Variants in NAV3 observed in about 807,000 individuals in gnomAD.
The protein encoded by NAV3 is pore membrane and/or filament interacting like protein 1.
In NAV3, 87 loss-of-function variants were observed where a neutral mutation model predicts 244.7. That is an observed-to-expected ratio of 0.36 (90% CI 0.30 to 0.42). The LOEUF (loss-of-function observed/expected upper bound fraction) is 0.42. NAV3 is among the 20% of genes least tolerant of loss of function. The pLI is 1.00. For missense variants in NAV3, 2,663 were observed against 2,893.3 expected (o/e 0.92, Z 1.83); for synonymous variants, 1,126 against 1,042.2 (o/e 1.08, Z -1.55).
rs1387076715 is a variant in NAV3, at chr12:78,199,508, A to G, written c.6692A>G (p.His2231Arg). 6.3e-7 allele frequency: 1 copy of G among 1,599,832 alleles called. No homozygotes were observed. Among genetic ancestry groups the G allele is most frequent in the Non-Finnish European group, 8.5e-7 (1 of 1,174,844 alleles). ...CATCTCAACAGTTTTTTGGAAACACACAGTTCTTCTGACGTTACCATTGGT... is the reference window on the plus strand; with the variant it reads ...CATCTCAACAGTTTTTTGGAAACACGCAGTTCTTCTGACGTTACCATTGGT... ...WHHLNSFLET[H>R]SSSDVTIGPR... The change falls in exon 37 of 40, where the codon CAC (histidine) becomes CGC (arginine). Residue 2231 changes from histidine (H) to arginine (R), a missense_variant. Transcript: ENST00000397909.
intron 12 of NAV3, among the ~76,000 whole-genome samples, chr12:78,075,371 G>A (rs1328190096): frequency 6.6e-6 from 1 of 151,928 alleles, no homozygotes; most frequent in Non-Finnish European, 1.5e-5. Flanking sequence ...TACAAGAATA[G>A]TTCTCTTTAG....
intron 9 of NAV3, among the ~76,000 whole-genome samples, chr12:78,027,990 G>A (rs977929092): frequency 6.6e-6 from 1 of 151,910 alleles, no homozygotes; most frequent in Non-Finnish European, 1.5e-5. Flanking sequence ...TTATAGCACA[G>A]AAAGTCAAGC....
intron 2 of NAV3, among the ~76,000 whole-genome samples, chr12:77,619,844 G>A (rs538224800): frequency 4.7e-4 from 72 of 151,868 alleles, no homozygotes; most frequent in African/African-American, 1.5e-3. Flanking sequence ...TAGGGAGAGG[G>A]AAATTGCACG....
intron 13 of NAV3, among the ~76,000 whole-genome samples, chr12:78,117,310 AT>A (rs1489087408): frequency 1.4e-5 from 2 of 144,940 alleles, no homozygotes; most frequent in Middle Eastern, 3.4e-3. Context: ...ATAAATATCT[AT>A]TTATATAATA....
At chr12:78,012,367 C>A (rs1214967614) in intron 8 of NAV3, among the ~76,000 whole-genome samples, 1 of 151,954 alleles carries the variant, frequency 6.6e-6, no homozygotes, top group African/African-American at 2.4e-5. Context: ...GGCATTTTGA[C>A]CTTCTAAAAG....
intron 2 of NAV3, among the ~76,000 whole-genome samples, chr12:77,793,350 G>A (rs1416939152): frequency 6.6e-6 from 1 of 152,068 alleles, no homozygotes; most frequent in Non-Finnish European, 1.5e-5. Flanking sequence ...TGCAGAACTT[G>A]CAGGTTTGTT....
intron 18 of NAV3, among the ~76,000 whole-genome samples, chr12:78,134,048 C>T (rs1179528238): frequency 6.6e-6 from 1 of 152,180 alleles, no homozygotes. Context: ...CATGCAGGAA[C>T]ATTAATGTCA....
chr12:77,768,094 C>T (rs1949593), intron 2 of NAV3, among the ~76,000 whole-genome samples: 69,848 of 152,056 alleles, frequency 0.46, 16,174 homozygotes, highest in Middle Eastern at 0.51. Context: ...CCAGTAGAAC[C>T]TATCCACAGG....
chr12:77,986,406 A>T (rs1870515473), intron 5 of NAV3, among the ~76,000 whole-genome samples: 1 of 152,204 alleles, frequency 6.6e-6, no homozygotes, highest in Non-Finnish European at 1.5e-5. Flanking sequence ...AAAATTAAAA[A>T]TATTTATAAT....
chr12:77,631,461 A>T (rs1871894038), intron 2 of NAV3, among the ~76,000 whole-genome samples: 1 of 147,342 alleles, frequency 6.8e-6, no homozygotes, highest in South Asian at 2.1e-4. Context: ...GCATTATGTT[A>T]ATCTTTTGGA....
chr12:78,162,509 A>G lies in NAV3; in HGVS notation c.4869+3223A>G, dbSNP rs143818761. On this transcript the variant is annotated intron_variant, in intron 23 of 39. Transcript: ENST00000397909. ...TTTATATTTCTCATATATATCTCATATATATGTATCTCTTTATCATGGAGT... is the reference window on the plus strand; with the variant it reads ...TTTATATTTCTCATATATATCTCATGTATATGTATCTCTTTATCATGGAGT... 8.7e-4 allele frequency among the ~76,000 whole-genome samples: 132 copies of G among 152,054 alleles called. No homozygotes were observed. The East Asian group carries it at 0.017, about 19-fold the overall frequency.
At chr12:78,208,992 G>A (rs143882824) in intron 39 of NAV3, among the ~76,000 whole-genome samples, 156 of 152,216 alleles carry the variant, frequency 1.0e-3, no homozygotes, top group African/African-American at 3.4e-3. Flanking sequence ...AGGAGAGTGG[G>A]AGAGAAAGAA....
intron 8 of NAV3, among the ~76,000 whole-genome samples, chr12:78,012,173 T>C (rs949636505): frequency 3.3e-5 from 5 of 152,132 alleles, no homozygotes; most frequent in Non-Finnish European, 7.4e-5. Context: ...CCCTTCTCCA[T>C]ACATCAAATT....
At chr12:77,638,625 G>A (rs780154077) in intron 2 of NAV3, among the ~76,000 whole-genome samples, 1 of 152,160 alleles carries the variant, frequency 6.6e-6, no homozygotes, top group Non-Finnish European at 1.5e-5. Flanking sequence ...TTGGAGAATG[G>A]AGCAACTTAA....
At chr12:77,750,772 G>T (rs893779011) in intron 2 of NAV3, among the ~76,000 whole-genome samples, 1 of 152,078 alleles carries the variant, frequency 6.6e-6, no homozygotes, top group African/African-American at 2.4e-5. Context: ...AAAAGGGAAA[G>T]ATAAATACTT....
intron 18 of NAV3, chr12:78,130,242 C>T (rs1379714654): frequency 1.3e-5 from 2 of 155,288 alleles, no homozygotes; most frequent in Non-Finnish European, 2.9e-5. Flanking sequence ...TTTCTAACTC[C>T]TTAGGGACAC....
intron 1 of NAV3, among the ~76,000 whole-genome samples, chr12:77,909,515 A>T (rs1347465522): frequency 6.6e-6 from 1 of 152,084 alleles, no homozygotes; most frequent in Admixed American, 6.6e-5. Flanking sequence ...ACCACATGGA[A>T]AAAAGGCAGA....
intron 2 of NAV3, among the ~76,000 whole-genome samples, chr12:77,598,541 A>G (rs1375548838): frequency 1.3e-5 from 2 of 151,996 alleles, no homozygotes; most frequent in Non-Finnish European, 2.9e-5. Flanking sequence ...TAACAATTTT[A>G]GCTTGATTGA....
At position 78,142,876 on chromosome 12, in the gene NAV3, A is replaced by G. The variant is rs74107114; in HGVS notation, c.4683+2542A>G. On this transcript the variant is annotated intron_variant, in intron 20 of 39. Transcript: ENST00000397909. ...GAAAGTTGTATTTGAGATGATGAAA[A>G]TGATATATTTGAATTGAAAAGTAAA... 2.1e-3 allele frequency among the ~76,000 whole-genome samples: 326 copies of G among 151,936 alleles called. 2 individuals carry two copies. The highest frequency in any genetic ancestry group is 7.0e-3 in the African/African-American group (292 of 41,490).
Sources: gnomAD v4.1 joint callset for allele counts (sites outside exome capture counted in the v4.1 genomes callset) on GRCh38, gnomAD v4.1.1 for gene constraint, MANE v1.5 for transcripts, NCBI Gene and HGNC (gene_info 2026-07-23, HGNC 2026-07-21) for gene names.